HCRTR2: variants seen among roughly 807,000 people sequenced by gnomAD.
HCRTR2 encodes orexin receptor type 2.
Under a neutral mutation model 49.0 loss-of-function variants are expected in HCRTR2, and 22 were observed. The observed-to-expected ratio is 0.45, with a 90% CI of 0.32 to 0.64. The LOEUF is 0.64. HCRTR2 is among the 30% of genes least tolerant of loss of function. The pLI is 0.04. For missense variants in HCRTR2, 491 were observed against 559.4 expected, an observed-to-expected ratio of 0.88 and a Z score of 1.23; for synonymous variants, 236 against 205.3, an observed-to-expected ratio of 1.15 and a Z score of -1.28.
intron 1 of HCRTR2, among the ~76,000 whole-genome samples, chr6:55,146,304 T>G (rs889620657): frequency 6.6e-6 from 1 of 152,166 alleles, no homozygotes; most frequent in African/African-American, 2.4e-5. Flanking sequence ...ACACTGGCAT[T>G]AATGCAAAAG....
At chr6:55,140,439 T>C (rs1019849287) in intron 1 of HCRTR2, among the ~76,000 whole-genome samples, 4 of 152,168 alleles carry the variant, frequency 2.6e-5, no homozygotes, top group Non-Finnish European at 5.9e-5. Flanking sequence ...CAAGATTTTC[T>C]GAGGGATGAC....
chr6:55,216,618 C>A (rs1047720819), intron 1 of HCRTR2, among the ~76,000 whole-genome samples: 3 of 152,066 alleles, frequency 2.0e-5, no homozygotes, highest in Non-Finnish European at 4.4e-5. Context: ...TTTTTTGGGT[C>A]CATGTTAAGC....
chr6:55,184,471 T>G (rs1403803517), intron 1 of HCRTR2, among the ~76,000 whole-genome samples: 2 of 152,236 alleles, frequency 1.3e-5, no homozygotes, highest in Non-Finnish European at 2.9e-5. Flanking sequence ...ATTTGAGATC[T>G]AATAAACAAT....
chr6:55,280,156 T>G (rs1477546732), intron 5 of HCRTR2, among the ~76,000 whole-genome samples, 167 bp from the exon 6 acceptor site: 1 of 152,150 alleles, frequency 6.6e-6, no homozygotes, highest in Non-Finnish European at 1.5e-5. Flanking sequence ...GGAGGTTCTG[T>G]TCAGGCACTG....
intron 1 of HCRTR2, among the ~76,000 whole-genome samples, chr6:55,222,977 T>G (rs553931955): frequency 6.6e-6 from 1 of 152,290 alleles, no homozygotes; most frequent in African/African-American, 2.4e-5. Flanking sequence ...ATTTGCCAAA[T>G]GGAATTATAG....
intron 1 of HCRTR2, among the ~76,000 whole-genome samples, chr6:55,159,267 AAAAAAC>A (rs58118959): frequency 0.45 from 67,296 of 149,266 alleles, 15,948 homozygotes; most frequent in East Asian, 0.78. Flanking sequence ...ATCAACATCA[AAAAAAC>A]AAAAACAAAA....
chr6:55,239,783 T>C (rs1424244099), intron 1 of HCRTR2, among the ~76,000 whole-genome samples: 5 of 148,286 alleles, frequency 3.4e-5, no homozygotes, highest in African/African-American at 1.2e-4. Flanking sequence ...TTTTTTTTTT[T>C]TTTTTTTTTT....
chr6:55,279,697 T>G (rs9464217), intron 5 of HCRTR2, among the ~76,000 whole-genome samples: 1 of 152,010 alleles, frequency 6.6e-6, no homozygotes. Flanking sequence ...ATGGAGAAAA[T>G]TTTTTAATAG....
At chr6:55,229,397 G>A (rs928782735) in intron 1 of HCRTR2, among the ~76,000 whole-genome samples, 4 of 151,762 alleles carry the variant, frequency 2.6e-5, no homozygotes, top group African/African-American at 9.7e-5. Flanking sequence ...TCCATTTTTG[G>A]GTATATATCC....
At chr6:55,201,903 G>T (rs541020532) in intron 1 of HCRTR2, among the ~76,000 whole-genome samples, 7 of 152,196 alleles carry the variant, frequency 4.6e-5, no homozygotes, top group African/African-American at 1.7e-4. Flanking sequence ...TTTAATATAC[G>T]ATTGCTGCTT....
In HCRTR2 at chr6:55,136,809, C is replaced by T. The variant is rs983343869; in HGVS notation, c.-378+30264C>T. Among the ~76,000 whole-genome samples the T allele has an allele frequency of 2.6e-5, 4 of 152,114 alleles. No individual in the cohort carries two copies. In the South Asian group the frequency reaches 6.2e-4, roughly 24 times the overall value. On this transcript the variant is annotated intron_variant, in intron 1 of 7. Coordinates refer to the HCRTR2 transcript ENST00000615358. Reference sequence around the variant, plus strand: ...ACCTACAAGGCTCCTTTCTCACTTGCGCTTACATGGCCTTCTGGATTGGCA... The same window carrying T: ...ACCTACAAGGCTCCTTTCTCACTTGTGCTTACATGGCCTTCTGGATTGGCA...
chr6:55,117,487 C>T (rs1764134484), intron 1 of HCRTR2, among the ~76,000 whole-genome samples: 1 of 151,618 alleles, frequency 6.6e-6, no homozygotes, highest in Non-Finnish European at 1.5e-5. Context: ...TTGCATTGTG[C>T]ATACAATGCA....
intron 4 of HCRTR2, among the ~76,000 whole-genome samples, chr6:55,270,409 C>T (rs920295159): frequency 6.6e-6 from 1 of 152,114 alleles, no homozygotes; most frequent in African/African-American, 2.4e-5. Context: ...ACATATAGTC[C>T]ATTTCTGTAA....
intron 4 of HCRTR2, among the ~76,000 whole-genome samples, chr6:55,276,842 T>A (rs189278386): frequency 4.6e-5 from 7 of 152,332 alleles, no homozygotes; most frequent in East Asian, 3.9e-4. Flanking sequence ...CTTGATTTTT[T>A]AAAAATATCC....
intron 1 of HCRTR2, among the ~76,000 whole-genome samples, chr6:55,106,893 GT>G (rs1318289564): frequency 6.6e-6 from 1 of 152,050 alleles, no homozygotes; most frequent in Non-Finnish European, 1.5e-5. Context: ...AGGGGCCTGT[GT>G]TTAGCTTGTT....
At chr6:55,256,250 T>A (rs1269673497) in intron 3 of HCRTR2, among the ~76,000 whole-genome samples, 1 of 152,116 alleles carries the variant, frequency 6.6e-6, no homozygotes, top group Admixed American at 6.6e-5. Context: ...TAGGTAAGTA[T>A]ACTAAAATGG....
Position 55,282,303 on chromosome 6 carries a change from C to T in HCRTR2, c.1184C>T (p.Thr395Ile), listed in dbSNP as rs1015940761. The change falls in exon 7 of 7, where the codon ACC becomes ATC. Residue 395 changes from threonine (T) to isoleucine (I), a missense_variant. Coordinates refer to ENST00000370862, the MANE Select transcript of HCRTR2 (RefSeq NM_001384272.1). The part of the protein sequence containing the change: ...GVHHRQEDRL[T>I]RGRTSTESRK... ...CACCATCGCCAGGAGGATCGGCTCACCAGGGGACGAACTAGCACAGAGAGC... is the reference window on the plus strand; with the variant it reads ...CACCATCGCCAGGAGGATCGGCTCATCAGGGGACGAACTAGCACAGAGAGC... 10 of 1,613,716 alleles carry T rather than the reference C, an allele frequency of 6.2e-6. No homozygotes were observed. The African/African-American group carries it at 9.3e-5, about 15-fold the overall frequency.
chr6:55,197,141 TTAAC>T (rs1255720164), intron 1 of HCRTR2, among the ~76,000 whole-genome samples: 20 of 152,246 alleles, frequency 1.3e-4, no homozygotes, highest in Admixed American at 4.6e-4. Flanking sequence ...AAACTAAGAA[TTAAC>T]TAACAATTTT....
At chr6:55,210,933 C>T (rs2127291776) in intron 1 of HCRTR2, among the ~76,000 whole-genome samples, 1 of 152,280 alleles carries the variant, frequency 6.6e-6, no homozygotes. Context: ...TGGTCAACGA[C>T]AGACTGCATT....
Sources: gnomAD v4.1 joint callset for allele counts (sites outside exome capture counted in the v4.1 genomes callset) on GRCh38, gnomAD v4.1.1 for gene constraint, MANE v1.5 for transcripts, NCBI Gene and HGNC (gene_info 2026-07-23, HGNC 2026-07-21) for gene names.